Variants in CFAP47 observed in about 807,000 individuals in gnomAD.
CFAP47 encodes cilia- and flagella-associated protein 47.
Under a neutral mutation model 148.1 loss-of-function variants are expected in CFAP47, and 29 were observed. The ratio of observed to expected loss-of-function variants is 0.20; its 90% CI spans 0.15 to 0.27. The LOEUF is 0.27. CFAP47 is among the 10% of genes least tolerant of loss of function. The pLI is 1.00. For missense variants in CFAP47, 1,872 were observed against 1,697.5 expected (o/e 1.10, Z -1.81); for synonymous variants, 664 against 577.3 (o/e 1.15, Z -2.15).
chrX:36,202,898 G>T (rs2146883506), intron 44 of CFAP47, among the ~76,000 whole-genome samples: 1 of 108,273 alleles, frequency 9.2e-6, no homozygotes, highest in Admixed American at 9.9e-5. Context: ...AAAAGAGAAA[G>T]AAAAAAAGCT....
chrX:36,101,541 A>G (rs1251856736), intron 32 of CFAP47, among the ~76,000 whole-genome samples: 1 of 111,845 alleles, frequency 8.9e-6, no homozygotes, highest in African/African-American at 3.3e-5. Flanking sequence ...AACACTGACA[A>G]TGAGGTATGA....
chrX:36,038,378 T>C (rs1287808709), intron 24 of CFAP47, among the ~76,000 whole-genome samples: 1 of 112,389 alleles, frequency 8.9e-6, no homozygotes, highest in Non-Finnish European at 1.9e-5. Flanking sequence ...TGATGGAAAC[T>C]GTCCCCAGAA....
intron 62 of CFAP47, 70 bp from the exon 63 acceptor site, chrX:36,379,280 A>G (rs1283601137): frequency 1.0e-6 from 1 of 972,696 alleles, no homozygotes; most frequent in Non-Finnish European, 1.4e-6. Flanking sequence ...AATTCTACTC[A>G]TCAAGTTCTC....
chrX:35,995,986 A>C (rs1230228551), intron 18 of CFAP47, among the ~76,000 whole-genome samples: 1 of 111,310 alleles, frequency 9.0e-6, no homozygotes, highest in Admixed American at 9.6e-5. Flanking sequence ...CAAGGGAGAG[A>C]GGGAGTTGTA....
At chrX:35,982,470 C>T (rs1463569187) in intron 15 of CFAP47, among the ~76,000 whole-genome samples, 1 of 111,131 alleles carries the variant, frequency 9.0e-6, no homozygotes, top group African/African-American at 3.3e-5. Context: ...TTAATTAGGT[C>T]TCATTTGTCA....
intron 60 of CFAP47, among the ~76,000 whole-genome samples, chrX:36,356,954 G>T (rs1267691326): frequency 1.8e-5 from 2 of 112,218 alleles, no homozygotes; most frequent in African/African-American, 6.5e-5. Context: ...AAAATGACTT[G>T]GAACTGTGGA....
intron 1 of CFAP47, among the ~76,000 whole-genome samples, chrX:35,924,101 G>GTA (rs772033472): frequency 1.0e-5 from 1 of 100,118 alleles, no homozygotes; most frequent in Non-Finnish European, 2.0e-5. Context: ...GTACATATAT[G>GTA]TATATATGTA....
intron 46 of CFAP47, among the ~76,000 whole-genome samples, chrX:36,235,641 G>A (rs1285489112): frequency 8.9e-6 from 1 of 112,240 alleles, no homozygotes; most frequent in Non-Finnish European, 1.9e-5. Flanking sequence ...TGTGCCCACT[G>A]TCTGGCACTC....
At chrX:36,179,988 T>G (rs1939731567) in intron 40 of CFAP47, among the ~76,000 whole-genome samples, 1 of 111,074 alleles carries the variant, frequency 9.0e-6, no homozygotes, top group African/African-American at 3.3e-5. Flanking sequence ...AGAAGGCCCC[T>G]TGTCACCTTG....
chrX:36,281,270 A>C (rs1941076380), intron 50 of CFAP47, among the ~76,000 whole-genome samples: 1 of 112,504 alleles, frequency 8.9e-6, no homozygotes, highest in African/African-American at 3.2e-5. Context: ...CAAAAGAAGA[A>C]ATCTTTATTG....
chrX:36,000,317 G>A lies in CFAP47; in HGVS notation c.3212G>A (p.Gly1071Asp), dbSNP rs5972010. ...AATTTCAGTGGCGCCTATATTGGTGGTACCCAGATTATTCCATTTGTAATA... is the reference window on the plus strand; with the variant it reads ...AATTTCAGTGGCGCCTATATTGGTGATACCCAGATTATTCCATTTGTAATA... The part of the protein sequence containing the change: ...VFNFSGAYIG[G>D]TQIIPFVIKN... The change falls in exon 20 of 64, where the codon GGT becomes GAT. Residue 1071 changes from glycine to aspartate, a missense_variant. Coordinates refer to ENST00000378653, the MANE Select transcript of CFAP47 (RefSeq NM_001304548.2). 10,917 of 292,933 alleles carry A rather than the reference G, an allele frequency of 0.037. 1,044 individuals are homozygous for A. The highest frequency in any genetic ancestry group is 0.27 in the African/African-American group (9,679 of 35,718). 24.1% of individuals were successfully genotyped at this position (292,933 alleles called of 1,213,427 possible).
intron 62 of CFAP47, among the ~76,000 whole-genome samples, chrX:36,368,994 G>T (rs1185062644): frequency 9.0e-6 from 1 of 111,108 alleles, no homozygotes; most frequent in Admixed American, 9.7e-5. Flanking sequence ...TGCTGATGTG[G>T]TACTACAATC....
chrX:36,265,281 C>T (rs183105178), intron 49 of CFAP47, among the ~76,000 whole-genome samples: 1 of 112,091 alleles, frequency 8.9e-6, no homozygotes, highest in East Asian at 2.8e-4. Flanking sequence ...TTACTGAAGT[C>T]ATTTATCAGT....
chrX:36,143,992 C>A (rs1460997796), intron 35 of CFAP47, among the ~76,000 whole-genome samples: 2 of 111,429 alleles, frequency 1.8e-5, no homozygotes, highest in African/African-American at 6.5e-5. Context: ...ACTAATTGTC[C>A]CATCTTTTCT....
intron 29 of CFAP47, among the ~76,000 whole-genome samples, chrX:36,078,458 T>C (rs915483750): frequency 9.0e-6 from 1 of 111,408 alleles, no homozygotes; most frequent in Non-Finnish European, 1.9e-5. Flanking sequence ...CATTATGTAA[T>C]GGCCTTCTTT....
intron 50 of CFAP47, among the ~76,000 whole-genome samples, chrX:36,285,109 C>T (rs1569308441): frequency 9.0e-6 from 1 of 110,929 alleles, no homozygotes; most frequent in Non-Finnish European, 1.9e-5. Flanking sequence ...GTCTATGTCC[C>T]TTTCAGAATT....
chrX:35,921,392 A>G (rs1601873339), intron 1 of CFAP47, among the ~76,000 whole-genome samples: 2 of 112,208 alleles, frequency 1.8e-5, no homozygotes, highest in Admixed American at 1.9e-4. Context: ...CTGTAAAATT[A>G]AGGAAAGCCT....
intron 46 of CFAP47, among the ~76,000 whole-genome samples, chrX:36,230,058 C>A (rs1555992174): frequency 9.1e-6 from 1 of 109,490 alleles, no homozygotes; most frequent in Non-Finnish European, 1.9e-5. Flanking sequence ...GTGAACAGTG[C>A]CGCAATAAAC....
At chrX:36,251,229 C>A in intron 48 of CFAP47, 104 bp from the exon 49 acceptor site, 1 of 283,798 alleles carries the variant, frequency 3.5e-6, no homozygotes, top group South Asian at 1.8e-4. Flanking sequence ...AATTAAATTT[C>A]AGTTTGTTCT....
Sources: gnomAD v4.1 joint callset for allele counts (sites outside exome capture counted in the v4.1 genomes callset) on GRCh38, gnomAD v4.1.1 for gene constraint, MANE v1.5 for transcripts, NCBI Gene and HGNC (gene_info 2026-07-23, HGNC 2026-07-21) for gene names.